Variants in CRADD observed in about 807,000 individuals in gnomAD.
CRADD encodes the protein death domain-containing protein CRADD.
CRADD carries 9 observed loss-of-function variants against 15.5 expected under a neutral mutation model. The ratio of observed to expected loss-of-function variants is 0.58; its 90% CI spans 0.35 to 1.01. The LOEUF (loss-of-function observed/expected upper bound fraction) is 1.01. Ranked by LOEUF, CRADD falls within the 50% of genes least tolerant of loss-of-function variation. CRADD has a pLI of 0.02. For synonymous variants in CRADD, 118 were observed against 107.6 expected, an observed-to-expected ratio of 1.10 and a Z score of -0.60; for missense variants, 227 against 250.3, an observed-to-expected ratio of 0.91 and a Z score of 0.63.
intron 2 of CRADD, among the ~76,000 whole-genome samples, chr12:93,800,808 T>C (rs1203873990): frequency 6.6e-6 from 1 of 152,154 alleles, no homozygotes; most frequent in Admixed American, 6.5e-5. Flanking sequence ...TACTCTCTTA[T>C]GAAAATACCC....
At chr12:93,891,281 G>T (rs1447544030) in intron 2 of CRADD, among the ~76,000 whole-genome samples, 1 of 151,886 alleles carries the variant, frequency 6.6e-6, no homozygotes, top group Non-Finnish European at 1.5e-5. Flanking sequence ...TTGAGGCCAG[G>T]AGTTCGAGAC....
At chr12:93,812,110 C>T (rs900488550) in intron 2 of CRADD, among the ~76,000 whole-genome samples, 8 of 152,110 alleles carry the variant, frequency 5.3e-5, no homozygotes, top group African/African-American at 1.4e-4. Flanking sequence ...GCCAGGCCTT[C>T]GGGGAAGGGA....
rs139344586 is a variant in CRADD at position 93,714,337 on chromosome 12, G to A, written c.298+35265G>A. On this transcript the variant is annotated intron_variant, in intron 2 of 2. Coordinates refer to ENST00000332896, the MANE Select transcript of CRADD (RefSeq NM_003805.5). ...CAGCTACATGAAATAAATGGATTCC[G>A]TGGGCAGGAGAAGAAAGCATTTTAT... 2.4e-4 allele frequency among the ~76,000 whole-genome samples: 37 copies of A among 152,294 alleles called. No homozygotes were observed. The East Asian group carries it at 4.8e-3, about 20-fold the overall frequency.
At chr12:93,823,237 A>T (rs1407346215) in intron 2 of CRADD, among the ~76,000 whole-genome samples, 2 of 151,868 alleles carry the variant, frequency 1.3e-5, no homozygotes, top group Non-Finnish European at 2.9e-5. Context: ...AGTTGCAGTG[A>T]GCCAAGATTG....
intron 2 of CRADD, among the ~76,000 whole-genome samples, chr12:93,811,178 T>C (rs1053588712): frequency 1.3e-4 from 20 of 152,218 alleles, no homozygotes; most frequent in African/African-American, 4.6e-4. Flanking sequence ...GGCATGATAA[T>C]GCAAAGTTTA....
At chr12:93,843,149 TA>T (rs1370190004) in intron 2 of CRADD, among the ~76,000 whole-genome samples, 1 of 152,114 alleles carries the variant, frequency 6.6e-6, no homozygotes, top group Non-Finnish European at 1.5e-5. Flanking sequence ...TGTGGTAAGG[TA>T]GGGGTATCAC....
intron 2 of CRADD, among the ~76,000 whole-genome samples, chr12:93,788,211 A>T (rs1354640450): frequency 6.6e-6 from 1 of 152,186 alleles, no homozygotes; most frequent in Non-Finnish European, 1.5e-5. Context: ...GGCCTCGGGA[A>T]TTATGGTGGA....
At chr12:93,873,029 C>A (rs940349386) in intron 2 of CRADD, among the ~76,000 whole-genome samples, 1 of 151,978 alleles carries the variant, frequency 6.6e-6, no homozygotes, top group Non-Finnish European at 1.5e-5. Flanking sequence ...TTGATTTTTC[C>A]AATCTATGAA....
At chr12:93,736,176 A>G (rs548784442) in intron 2 of CRADD, among the ~76,000 whole-genome samples, 2 of 152,302 alleles carry the variant, frequency 1.3e-5, no homozygotes, top group East Asian at 3.9e-4. Flanking sequence ...GGAGCATGAC[A>G]TATAAATCAT....
chr12:93,734,366 A>G (rs1047556165), intron 2 of CRADD, among the ~76,000 whole-genome samples: 2 of 152,252 alleles, frequency 1.3e-5, no homozygotes, highest in African/African-American at 4.8e-5. Context: ...AGATGAGGAA[A>G]CAAAAATATT....
intron 2 of CRADD, among the ~76,000 whole-genome samples, chr12:93,822,179 T>C (rs1245477384): frequency 6.6e-6 from 1 of 151,872 alleles, no homozygotes; most frequent in East Asian, 1.9e-4. Context: ...AAAGGCCTTT[T>C]CTTCTTTAGG....
At chr12:93,770,188 C>T (rs1004252327) in intron 2 of CRADD, among the ~76,000 whole-genome samples, 4 of 149,872 alleles carry the variant, frequency 2.7e-5, no homozygotes, top group South Asian at 2.2e-4. Context: ...CTCCGCCTCC[C>T]GGGTTCACGC....
chr12:93,756,703 A>T (rs1956894013), intron 2 of CRADD, among the ~76,000 whole-genome samples: 1 of 152,218 alleles, frequency 6.6e-6, no homozygotes, highest in Non-Finnish European at 1.5e-5. Flanking sequence ...GGAGTAGAAG[A>T]AGGAGGAACA....
intron 2 of CRADD, among the ~76,000 whole-genome samples, chr12:93,839,253 C>T (rs950239118): frequency 6.6e-6 from 1 of 152,136 alleles, no homozygotes; most frequent in Admixed American, 6.5e-5. Context: ...TCCTTTCTTC[C>T]GACAGTATTA....
At chr12:93,737,693 C>T (rs542559351) in intron 2 of CRADD, 2 of 152,302 alleles carry the variant, frequency 1.3e-5, no homozygotes, top group South Asian at 2.1e-4. Flanking sequence ...TGGAGGGTGG[C>T]CTTACCTTGT....
downstream of CRADD, among the ~76,000 whole-genome samples, chr12:93,853,552 G>A (rs752205489): frequency 1.4e-4 from 22 of 152,068 alleles, no homozygotes; most frequent in Non-Finnish European, 2.9e-4. Context: ...CTCCATCCCC[G>A]TTTGGAACCA....
At chr12:93,863,488 G>A (rs2137060757) in intron 2 of CRADD, among the ~76,000 whole-genome samples, 1 of 152,036 alleles carries the variant, frequency 6.6e-6, no homozygotes, top group East Asian at 1.9e-4. Context: ...TTTCCAGTGG[G>A]GCATCTGACA....
chr12:93,802,769 A>T (rs1957489896), intron 2 of CRADD, among the ~76,000 whole-genome samples: 1 of 152,190 alleles, frequency 6.6e-6, no homozygotes, highest in South Asian at 2.1e-4. Context: ...TGGGTGCAGC[A>T]TCTCAGTTAC....
chr12:93,806,470 AAAC>A (rs539987820), intron 2 of CRADD, among the ~76,000 whole-genome samples: 1,164 of 93,370 alleles, frequency 0.012, 32 homozygotes, highest in East Asian at 0.024. Context: ...AAAAAAAAAA[AAAC>A]AAAAAAAAGA....
Sources: allele counts gnomAD v4.1 joint callset (sites outside exome capture counted in the v4.1 genomes callset), GRCh38; gene constraint gnomAD v4.1.1; transcripts MANE v1.5; gene names NCBI Gene and HGNC (gene_info 2026-07-23, HGNC 2026-07-21).